Variants in MTHFD1L observed in about 807,000 individuals in gnomAD.
MTHFD1L encodes methylenetetrahydrofolate dehydrogenase (NADP+ dependent) 1 like.
A neutral mutation model predicts 119.5 loss-of-function variants in MTHFD1L; 81 were observed. The observed-to-expected ratio is 0.68, with a 90% confidence interval of 0.57 to 0.82. MTHFD1L has a LOEUF of 0.82. MTHFD1L is among the 40% of genes least tolerant of loss of function. The probability of loss-of-function intolerance (pLI) is 0.00; values close to 1 mark genes in which losing one functional copy is unlikely to be tolerated. For synonymous variants in MTHFD1L, 430 were observed against 475.2 expected, an observed-to-expected ratio of 0.90 and a Z score of 1.24; for missense variants, 1,125 against 1,253.4, an observed-to-expected ratio of 0.90 and a Z score of 1.55.
intron 21 of MTHFD1L, among the ~76,000 whole-genome samples, chr6:151,012,272 C>T (rs1269861000): frequency 6.6e-6 from 1 of 151,940 alleles, no homozygotes; most frequent in African/African-American, 2.4e-5. Flanking sequence ...GATAAATGAA[C>T]TTTCATCCTC....
At chr6:150,881,745 G>A (rs1048987996) in intron 4 of MTHFD1L, among the ~76,000 whole-genome samples, 9 of 152,144 alleles carry the variant, frequency 5.9e-5, no homozygotes, top group Admixed American at 1.3e-4. Flanking sequence ...TAAGATCCAC[G>A]AGGACAGTTT....
At position 150,865,739 on chromosome 6, in the gene MTHFD1L, G is replaced by A; in HGVS notation, c.-84G>A. On this transcript the variant is annotated 5_prime_UTR_variant, in exon 1 of 28. Transcript: ENST00000367321. ...GGTCCTTCCCGCCGCCGCCGCCGCC[G>A]CCGCCGCCTGCTCCCCTGGCACGCG... The A allele has an allele frequency of 1.7e-6, 2 of 1,146,348 alleles. No individual in the cohort carries two copies. The highest frequency in any genetic ancestry group is 2.2e-6 in the Non-Finnish European group (2 of 929,970). The allele number at this position is 1,146,348 out of a possible 1,614,324, so 71.0% of individuals were successfully genotyped here. A position where few individuals can be genotyped will look rare whatever the true frequency, so the allele number is the denominator to read the frequency against.
At chr6:150,869,840 A>G (rs1275145687) in intron 1 of MTHFD1L, among the ~76,000 whole-genome samples, 2 of 152,186 alleles carry the variant, frequency 1.3e-5, no homozygotes, top group Non-Finnish European at 2.9e-5. Context: ...TCAAAAGCAT[A>G]GTGACCTGTT....
intron 20 of MTHFD1L, among the ~76,000 whole-genome samples, chr6:150,976,999 T>C (rs1776675163): frequency 6.6e-6 from 1 of 152,232 alleles, no homozygotes; most frequent in Non-Finnish European, 1.5e-5. Context: ...TCAGTACCCC[T>C]TTAATGAGCA....
At chr6:151,091,934 A>AC (rs1794482782) in intron 26 of MTHFD1L, among the ~76,000 whole-genome samples, 2 of 152,224 alleles carry the variant, frequency 1.3e-5, no homozygotes, top group South Asian at 2.1e-4. Context: ...TGAGGAAAGC[A>AC]CGTAGCACAG....
At chr6:151,035,378 G>A (rs928745677) in intron 25 of MTHFD1L, among the ~76,000 whole-genome samples, 24 of 152,162 alleles carry the variant, frequency 1.6e-4, no homozygotes, top group African/African-American at 4.6e-4. Flanking sequence ...GATGGGTAGC[G>A]TTGACCTTTT....
rs185315606 is a variant in MTHFD1L at position 150,923,478 on chromosome 6, C to T, written c.1082+1176C>T. Reference sequence around the variant, plus strand: ...AGCAACGTTGGAATGCACACAGTGCCGAGGAGATAAAATCCCTCTAGTAAC... The same window carrying T: ...AGCAACGTTGGAATGCACACAGTGCTGAGGAGATAAAATCCCTCTAGTAAC... On this transcript the variant is annotated intron_variant, in intron 10 of 27. Transcript: ENST00000367321. Among the ~76,000 whole-genome samples the T allele has an allele frequency of 4.9e-3, 717 of 147,204 alleles. 9 individuals carry two copies. Among genetic ancestry groups the T allele is most frequent in the Non-Finnish European group, 4.4e-3 (297 of 66,812 alleles).
intron 11 of MTHFD1L, among the ~76,000 whole-genome samples, chr6:150,934,285 C>G (rs1023319464): frequency 5.3e-5 from 8 of 152,210 alleles, no homozygotes; most frequent in Admixed American, 2.0e-4. Context: ...CCAATCCACT[C>G]TCAGTTTTAT....
chr6:150,926,380 A>G lies in MTHFD1L; in HGVS notation c.1256+85A>G, dbSNP rs570138266. ...TTTATCTCTCTCCTCGTACCCCTCAATCCATCCTATTCTCACATTTGACAT... is the reference window on the plus strand; with the variant it reads ...TTTATCTCTCTCCTCGTACCCCTCAGTCCATCCTATTCTCACATTTGACAT... On this transcript the variant is annotated intron_variant, in intron 11 of 27. Coordinates refer to ENST00000367321, the MANE Select transcript of MTHFD1L (RefSeq NM_015440.5). The surrounding 1 kb of genome is among the most constrained non-coding windows in gnomAD (Gnocchi z 4.3). 49 of 1,169,560 alleles carry G rather than the reference A, an allele frequency of 4.2e-5. No homozygotes were observed. The highest frequency in any genetic ancestry group is 2.1e-4 in the Middle Eastern group (1 of 4,672). The allele number at this position is 1,169,560 out of a possible 1,614,324, so 72.4% of individuals were successfully genotyped here. A position where few individuals can be genotyped will look rare whatever the true frequency, so the allele number is the denominator to read the frequency against.
intron 22 of MTHFD1L, among the ~76,000 whole-genome samples, chr6:151,014,403 C>A (rs761384634): frequency 4.6e-5 from 7 of 152,246 alleles, no homozygotes; most frequent in Non-Finnish European, 5.9e-5. Context: ...GAAGCTTACA[C>A]TTCTGTATTC....
rs374949883 is a variant in MTHFD1L at position 150,955,980 on chromosome 6, T to G, written c.1727-15T>G. The G allele has an allele frequency of 1.4e-5, 23 of 1,606,312 alleles. No homozygotes were observed. Among genetic ancestry groups the G allele is most frequent in the Non-Finnish European group, 1.9e-5 (22 of 1,172,956 alleles). ...CCATATTTGTCGACTGAATGACTAA[T>G]CTGTTCTCTTTCAGTATTGGATACA... On this transcript the variant is annotated splice_polypyrimidine_tract_variant and intron_variant, in intron 16 of 27. Coordinates refer to ENST00000367321, the MANE Select transcript of MTHFD1L (RefSeq NM_015440.5).
intron 7 of MTHFD1L, among the ~76,000 whole-genome samples, chr6:150,895,342 G>T (rs547669922): frequency 1.1e-3 from 169 of 152,320 alleles, no homozygotes; most frequent in Admixed American, 1.8e-3. Context: ...GTACGGCAGG[G>T]CCCTGCTCCC....
In MTHFD1L at chr6:150,960,504, T is replaced by C. The variant is rs7739100; in HGVS notation, c.1944+89T>C. ...AGAAAGGTTTTCTTCCTTTTATCAG[T>C]GAGTGTAATGAGGATACAGAAAAAG... On this transcript the variant is annotated intron_variant, in intron 18 of 27. Coordinates refer to ENST00000367321, the MANE Select transcript of MTHFD1L (RefSeq NM_015440.5). 2,305 of 1,457,224 alleles carry C rather than the reference T, an allele frequency of 1.6e-3. 24 individuals are homozygous for C. In the African/African-American group the frequency reaches 0.029, roughly 19 times the overall value. 90.3% of individuals were successfully genotyped at this position (1,457,224 alleles called of 1,614,324 possible).
In MTHFD1L at chr6:150,964,961, T is replaced by G; in HGVS notation, c.1945-8T>G. On this transcript the variant is annotated splice_region_variant and splice_polypyrimidine_tract_variant and intron_variant, in intron 18 of 27. Coordinates refer to ENST00000367321, the MANE Select transcript of MTHFD1L (RefSeq NM_015440.5). ...GTCAGGAATCTAATGTTTTTCTCTC[T>G]CCTGTAGGGGGTGACAGGTGCTTTG... 2 of 1,613,266 alleles carry G rather than the reference T, an allele frequency of 1.2e-6. No homozygotes were observed. Among genetic ancestry groups the G allele is most frequent in the African/African-American group, 1.3e-5 (1 of 75,010 alleles).
At chr6:151,077,412 G>A (rs988026038) in intron 26 of MTHFD1L, among the ~76,000 whole-genome samples, 2 of 152,196 alleles carry the variant, frequency 1.3e-5, no homozygotes, top group African/African-American at 2.4e-5. Flanking sequence ...GGAGGCCAAG[G>A]CAGGTGAATC....
intron 13 of MTHFD1L, among the ~76,000 whole-genome samples, chr6:150,943,390 C>T (rs6557105): frequency 2.6e-5 from 4 of 151,852 alleles, no homozygotes; most frequent in Non-Finnish European, 4.4e-5. Context: ...TAGCACTTTG[C>T]GGGGCTGAAG....
chr6:151,011,373 C>T (rs1455035678), intron 21 of MTHFD1L, among the ~76,000 whole-genome samples: 2 of 152,164 alleles, frequency 1.3e-5, no homozygotes, highest in African/African-American at 4.8e-5. Context: ...TCCCTCCCTG[C>T]CCTGCCACCC....
At chr6:150,868,634 G>A (rs1208209793) in intron 1 of MTHFD1L, among the ~76,000 whole-genome samples, 2 of 152,070 alleles carry the variant, frequency 1.3e-5, no homozygotes, top group East Asian at 3.8e-4. Flanking sequence ...ACCATGCCCA[G>A]CAATATTTTT....
Position 150,926,085 on chromosome 6 carries a change from A to G in MTHFD1L, c.1083-37A>G. 1.9e-6 allele frequency: 3 copies of G among 1,581,152 alleles called. No individual in the cohort carries two copies. The highest frequency in any genetic ancestry group is 2.6e-6 in the Non-Finnish European group (3 of 1,158,650). The stretch of plus-strand genomic sequence containing the variant: ...TCCAGTTGTGACCACCTAAGCTGAG[A>G]AGCCTTTTCTCTCTTTCGTATTGTC... On this transcript the variant is annotated intron_variant, in intron 10 of 27. Coordinates refer to ENST00000367321, the MANE Select transcript of MTHFD1L (RefSeq NM_015440.5). This position sits in a 1 kb window ranked among gnomAD's most constrained non-coding sequence, Gnocchi z 4.3.
Sources: gnomAD v4.1 joint callset for allele counts (sites outside exome capture counted in the v4.1 genomes callset) on GRCh38, gnomAD v4.1.1 for gene constraint, Gnocchi (gnomAD v3.1) non-coding constraint, MANE v1.5 for transcripts, NCBI Gene and HGNC (gene_info 2026-07-23, HGNC 2026-07-21) for gene names.